Variants in TMEM132C observed in about 807,000 individuals in gnomAD.
TMEM132C encodes the protein protein phosphatase 1, regulatory subunit 152.
A neutral mutation model predicts 61.4 loss-of-function variants in TMEM132C; 29 were observed. The ratio of observed to expected loss-of-function variants is 0.47; its 90% CI spans 0.35 to 0.64. The LOEUF is 0.64. Ranked by LOEUF, TMEM132C falls within the 30% of genes least tolerant of loss-of-function variation. The probability of loss-of-function intolerance (pLI) is 0.00; values close to 1 mark genes in which losing one functional copy is unlikely to be tolerated. For missense variants in TMEM132C, 1,408 were observed against 1,476.9 expected (o/e 0.95, Z 0.76); for synonymous variants, 656 against 633.1 (o/e 1.04, Z -0.54).
At chr12:128,432,036 C>T (rs1869409189) in intron 2 of TMEM132C, among the ~76,000 whole-genome samples, 1 of 152,178 alleles carries the variant, frequency 6.6e-6, no homozygotes, top group African/African-American at 2.4e-5. Context: ...TGTAACAGCA[C>T]ATTTGTTTAT....
intron 1 of TMEM132C, among the ~76,000 whole-genome samples, chr12:128,294,455 C>A (rs1404193359): frequency 6.6e-6 from 1 of 152,200 alleles, no homozygotes; most frequent in Non-Finnish European, 1.5e-5. Flanking sequence ...GTAGAAAATG[C>A]AAGCCATTGG....
intron 4 of TMEM132C, among the ~76,000 whole-genome samples, chr12:128,640,606 A>T (rs1954150277): frequency 6.6e-6 from 1 of 152,180 alleles, no homozygotes. Flanking sequence ...ATATATTTTA[A>T]ATGAGTGAGC....
Position 128,696,111 on chromosome 12 carries a change from G to A in TMEM132C, c.1929+8G>A. On this transcript the variant is annotated splice_region_variant and intron_variant, in intron 7 of 8. Coordinates refer to ENST00000435159, the MANE Select transcript of TMEM132C (RefSeq NM_001136103.3). ...GGGATGACGACCATCCAGGTAGGAAGCTGGGAGTCTCTGTGTCCCCAGCAC... is the reference window on the plus strand; with the variant it reads ...GGGATGACGACCATCCAGGTAGGAAACTGGGAGTCTCTGTGTCCCCAGCAC... 1 of 1,550,098 alleles carries A rather than the reference G, an allele frequency of 6.5e-7. No individual in the cohort carries two copies. Among genetic ancestry groups the A allele is most frequent in the South Asian group, 1.2e-5 (1 of 83,858 alleles).
In TMEM132C at chr12:128,705,993, A is replaced by G; in HGVS notation, c.3025A>G (p.Asn1009Asp). Reference protein sequence around the residue: ...DRGPGACEESNHLLLNGGSHK... With the variant: ...DRGPGACEESDHLLLNGGSHK... ...CGGACCGGGGGCCTGCGAGGAGAGC[A>G]ACCATCTCCTGCTCAATGGTGGCTC... is the stretch of plus-strand genomic sequence containing the variant. The change falls in exon 9 of 9, where the codon AAC becomes GAC. Residue 1009 changes from asparagine to aspartate, a missense_variant. Asn to Asp is a conservative substitution (Grantham distance 23, BLOSUM62 1). Transcript: ENST00000435159. The G allele has an allele frequency of 1.3e-6, 2 of 1,551,680 alleles. No homozygotes were observed. The highest frequency in any genetic ancestry group is 1.7e-6 in the Non-Finnish European group (2 of 1,146,982).
intron 4 of TMEM132C, among the ~76,000 whole-genome samples, chr12:128,664,467 T>C (rs138423388): frequency 3.0e-4 from 46 of 152,240 alleles, no homozygotes; most frequent in African/African-American, 1.0e-3. Flanking sequence ...CGGAGGTGGG[T>C]GGAGGGCTTC....
At chr12:128,520,599 G>C (rs1012092695) in intron 2 of TMEM132C, among the ~76,000 whole-genome samples, 3 of 152,090 alleles carry the variant, frequency 2.0e-5, no homozygotes, top group African/African-American at 7.2e-5. Context: ...TTGTTGGAGG[G>C]GACTGTCCTG....
intron 1 of TMEM132C, among the ~76,000 whole-genome samples, chr12:128,314,767 T>G (rs575798810): frequency 6.6e-6 from 1 of 152,248 alleles, no homozygotes; most frequent in African/African-American, 2.4e-5. Flanking sequence ...CCTCGTGGCT[T>G]CTAGCAGAAC....
In TMEM132C at chr12:128,520,668, C is replaced by T. The variant is rs536579369; in HGVS notation, c.975-23289C>T. On this transcript the variant is annotated intron_variant, in intron 2 of 8. Transcript: ENST00000435159. ...TCTACCCACTAAAATGCAAGTAGCA[C>T]ATTCCCCAGTTGTGATTGTAAGAAT... Among the ~76,000 whole-genome samples, 4 of 152,314 alleles carry T rather than the reference C, an allele frequency of 2.6e-5. No homozygotes were observed. The East Asian group carries it at 7.7e-4, about 29-fold the overall frequency.
At chr12:128,322,446 A>C (rs975421850) in intron 1 of TMEM132C, among the ~76,000 whole-genome samples, 1 of 152,250 alleles carries the variant, frequency 6.6e-6, no homozygotes, top group Non-Finnish European at 1.5e-5. Flanking sequence ...AATTTTTGGA[A>C]TGGTTTTGAC....
At chr12:128,625,963 T>TC in intron 4 of TMEM132C, among the ~76,000 whole-genome samples, 1 of 152,306 alleles carries the variant, frequency 6.6e-6, no homozygotes, top group East Asian at 1.9e-4. Context: ...CATTTCCATG[T>TC]CATAGCATAT....
intron 2 of TMEM132C, among the ~76,000 whole-genome samples, chr12:128,495,005 C>T (rs1488771865): frequency 7.6e-6 from 1 of 131,534 alleles, no homozygotes; most frequent in Non-Finnish European, 1.7e-5. Flanking sequence ...TCCCTCTACA[C>T]ACTGCTTTGA....
intron 2 of TMEM132C, among the ~76,000 whole-genome samples, chr12:128,431,717 GCT>G (rs1208571351): frequency 2.0e-5 from 3 of 151,986 alleles, no homozygotes; most frequent in Non-Finnish European, 4.4e-5. Context: ...ACCACGCCTT[GCT>G]AATTTTTCTG....
In TMEM132C at chr12:128,570,032, G is replaced by C. The variant is rs898768383; in HGVS notation, c.1121+25929G>C. 6.6e-6 allele frequency among the ~76,000 whole-genome samples: 1 copy of C among 152,170 alleles called. No homozygotes were observed. The highest frequency in any genetic ancestry group is 1.9e-4 in the East Asian group (1 of 5,194). On this transcript the variant is annotated intron_variant, in intron 3 of 8. Transcript: ENST00000435159. The surrounding 1 kb of genome is among the most constrained non-coding windows in gnomAD (Gnocchi z 4.7). ...ATTATCATTGCCGTTAACGTGAGAA[G>C]TGAAAGGAGAGATGGAGAATAAACA... is the stretch of plus-strand genomic sequence containing the variant.
At chr12:128,681,514 C>T (rs1954633990) in intron 5 of TMEM132C, among the ~76,000 whole-genome samples, 1 of 152,116 alleles carries the variant, frequency 6.6e-6, no homozygotes, top group African/African-American at 2.4e-5. Flanking sequence ...ATGGCTGGAT[C>T]CAGGGGCTCA....
chr12:128,614,462 T>TAA (rs374515069), intron 3 of TMEM132C, among the ~76,000 whole-genome samples: 10 of 145,502 alleles, frequency 6.9e-5, no homozygotes, highest in African/African-American at 2.5e-4. Context: ...ACAAACAAAT[T>TAA]AAAAAAAAAA....
intron 3 of TMEM132C, among the ~76,000 whole-genome samples, chr12:128,565,650 T>A (rs1257722841): frequency 3.3e-5 from 5 of 152,142 alleles, no homozygotes; most frequent in Admixed American, 3.3e-4. Flanking sequence ...GGAATTCATG[T>A]CACAGGTGAA....
chr12:128,373,579 A>G (rs569985770), intron 1 of TMEM132C, among the ~76,000 whole-genome samples: 3 of 152,242 alleles, frequency 2.0e-5, no homozygotes, highest in Non-Finnish European at 2.9e-5. Context: ...CACCTCTCCC[A>G]TGCGTAGCGT....
intron 2 of TMEM132C, among the ~76,000 whole-genome samples, chr12:128,473,332 A>AC (rs1565946547): frequency 7.4e-6 from 1 of 134,906 alleles, no homozygotes; most frequent in Non-Finnish European, 1.5e-5. Context: ...CTTCATCTTC[A>AC]GTCCAGCCTC....
At chr12:128,412,045 C>T (rs1868572790) in intron 1 of TMEM132C, among the ~76,000 whole-genome samples, 1 of 152,184 alleles carries the variant, frequency 6.6e-6, no homozygotes, top group African/African-American at 2.4e-5. Context: ...CAATGTTTGT[C>T]TATGATTCTC....
Sources: gnomAD v4.1 joint callset for allele counts (sites outside exome capture counted in the v4.1 genomes callset) on GRCh38, gnomAD v4.1.1 for gene constraint, Gnocchi (gnomAD v3.1) non-coding constraint, MANE v1.5 for transcripts, NCBI Gene and HGNC (gene_info 2026-07-23, HGNC 2026-07-21) for gene names.